AGTPBP1: variants seen among roughly 807,000 people sequenced by gnomAD.
The protein encoded by AGTPBP1 is cytosolic carboxypeptidase 1.
Under a neutral mutation model 143.9 loss-of-function variants are expected in AGTPBP1, and 70 were observed. The ratio of observed to expected loss-of-function variants is 0.49; its 90% CI spans 0.40 to 0.59. AGTPBP1 has a LOEUF of 0.59. AGTPBP1 is among the 20% of genes least tolerant of loss of function. The pLI, the probability that AGTPBP1 is intolerant of heterozygous loss-of-function variation, is 0.00. For synonymous variants in AGTPBP1, 463 were observed against 500.2 expected (o/e 0.93, Z 0.99); for missense variants, 1,229 against 1,464.5 (o/e 0.84, Z 2.62).
chr9:85,600,830 T>G (rs1829620561), intron 17 of AGTPBP1, among the ~76,000 whole-genome samples: 1 of 152,032 alleles, frequency 6.6e-6, no homozygotes, highest in Non-Finnish European at 1.5e-5. Context: ...CCCAACAGCC[T>G]CTGCCTCCCC....
chr9:85,704,592 A>C (rs949126523), intron 2 of AGTPBP1, among the ~76,000 whole-genome samples: 16 of 152,206 alleles, frequency 1.1e-4, no homozygotes, highest in African/African-American at 3.9e-4. Context: ...CATTAAAAGA[A>C]AGACTCAAAA....
At chr9:85,693,962 C>T (rs533129665) in intron 2 of AGTPBP1, among the ~76,000 whole-genome samples, 6 of 152,160 alleles carry the variant, frequency 3.9e-5, no homozygotes, top group South Asian at 2.1e-4. Context: ...TAGATCCCTG[C>T]GCAGGAGCAA....
intron 2 of AGTPBP1, among the ~76,000 whole-genome samples, chr9:85,705,348 A>G (rs1035183161): frequency 1.4e-5 from 2 of 147,648 alleles, no homozygotes; most frequent in African/African-American, 4.9e-5. Context: ...GAACTAAGAT[A>G]AGTATGACAA....
the AGTPBP1 span, among the ~76,000 whole-genome samples, chr9:85,784,020 T>A: frequency 6.6e-6 from 1 of 152,270 alleles, no homozygotes; most frequent in Non-Finnish European, 1.5e-5. Context: ...ATCTTTTGAC[T>A]AAAATATCTT....
At chr9:85,685,033 G>A (rs1219654378) in intron 3 of AGTPBP1, among the ~76,000 whole-genome samples, 4 of 150,704 alleles carry the variant, frequency 2.7e-5, no homozygotes, top group Non-Finnish European at 4.4e-5. Context: ...AGGATGCATA[G>A]GAAAGAGGCA....
At chr9:85,617,061 A>G (rs1324347272) in intron 17 of AGTPBP1, among the ~76,000 whole-genome samples, 1 of 152,134 alleles carries the variant, frequency 6.6e-6, no homozygotes, top group African/African-American at 2.4e-5. Context: ...GAATCTGACT[A>G]AAGCTTTTTT....
chr9:85,741,672 G>A (rs933746332), intron 1 of AGTPBP1, 103 bp downstream of exon 1: 1 of 1,255,186 alleles, frequency 8.0e-7, no homozygotes, highest in Non-Finnish European at 1.0e-6. Context: ...GGGATCCGGG[G>A]TCGCCCCTCC....
chr9:85,648,202 T>A (rs1157752827), intron 11 of AGTPBP1, among the ~76,000 whole-genome samples: 1 of 152,212 alleles, frequency 6.6e-6, no homozygotes, highest in Admixed American at 6.5e-5. Context: ...AGTGTTTCTG[T>A]GGGCATTAGA....
At chr9:85,571,632 T>G (rs936537417) in intron 25 of AGTPBP1, among the ~76,000 whole-genome samples, 2 of 152,196 alleles carry the variant, frequency 1.3e-5, no homozygotes, top group Non-Finnish European at 2.9e-5. Flanking sequence ...GTTTGGCAGA[T>G]ACCATCTTAA....
chr9:85,622,006 C>T (rs1830967845), intron 14 of AGTPBP1, among the ~76,000 whole-genome samples: 3 of 152,168 alleles, frequency 2.0e-5, no homozygotes, highest in African/African-American at 4.8e-5. Flanking sequence ...TGTGTCAACA[C>T]AGGTGACACT....
chr9:85,626,366 G>T (rs1376256028), intron 14 of AGTPBP1, among the ~76,000 whole-genome samples: 1 of 152,174 alleles, frequency 6.6e-6, no homozygotes, highest in African/African-American at 2.4e-5. Flanking sequence ...CTGAAATCAT[G>T]TAAAGGAGTC....
At position 85,691,731 on chromosome 9, in the gene AGTPBP1, C is replaced by T. The variant is rs184225402; in HGVS notation, c.157+958G>A. On this transcript the variant is annotated intron_variant, in intron 3 of 25. Transcript: ENST00000357081. ...TTTAACAATGATATTCATATTTCCA[C>T]GTACAGACTTAATTCCCTAAAGTTT... is the stretch of plus-strand genomic sequence containing the variant. Among the ~76,000 whole-genome samples the T allele has an allele frequency of 4.2e-3, 634 of 152,216 alleles. 4 individuals are homozygous for T. Among genetic ancestry groups the T allele is most frequent in the African/African-American group, 0.012 (488 of 41,532 alleles).
intron 2 of AGTPBP1, among the ~76,000 whole-genome samples, chr9:85,698,150 A>G (rs1836393716): frequency 6.6e-6 from 1 of 152,150 alleles, no homozygotes. Flanking sequence ...CAATTCACAA[A>G]CATACAAAAC....
chr9:85,650,650 G>A (rs1833109431), intron 11 of AGTPBP1, among the ~76,000 whole-genome samples: 1 of 152,182 alleles, frequency 6.6e-6, no homozygotes, highest in Non-Finnish European at 1.5e-5. Context: ...TCCCCAAGTT[G>A]TTTTAGGGTC....
chr9:85,793,055 A>G, the AGTPBP1 span, among the ~76,000 whole-genome samples: 1 of 152,192 alleles, frequency 6.6e-6, no homozygotes, highest in African/African-American at 2.4e-5. Context: ...GAATTCTAGC[A>G]AAAATATTTT....
rs1194990588 is a variant in AGTPBP1 at position 85,689,921 on chromosome 9, A to T, written c.157+2768T>A. 6.0e-4 allele frequency among the ~76,000 whole-genome samples: 73 copies of T among 122,156 alleles called. 1 individual carries two copies. The highest frequency in any genetic ancestry group is 1.7e-3 in the African/African-American group (47 of 28,168). The allele number at this position is 122,156 out of a possible 152,430, so 80.1% of individuals were successfully genotyped here. A position where few individuals can be genotyped will look rare whatever the true frequency, so the allele number is the denominator to read the frequency against. ...CTCAAAAAAAAAAAAAAAAAAAAAA[A>T]AAAAATATATATATATATATATATA... On this transcript the variant is annotated intron_variant, in intron 3 of 25. Transcript: ENST00000357081.
upstream of AGTPBP1, chr9:85,742,146 A>C: frequency 3.6e-5 from 22 of 607,160 alleles, no homozygotes; most frequent in Admixed American, 5.5e-5. Context: ...TGCGCGCCTG[A>C]CGGGAGGGAG....
chr9:85,684,740 C>G (rs1345724416), intron 3 of AGTPBP1, among the ~76,000 whole-genome samples: 1 of 152,140 alleles, frequency 6.6e-6, no homozygotes, highest in Non-Finnish European at 1.5e-5. Flanking sequence ...CTGTTGACTA[C>G]TGCATCTTCC....
the AGTPBP1 span, among the ~76,000 whole-genome samples, chr9:85,790,132 A>G: frequency 2.0e-5 from 3 of 152,184 alleles, 1 homozygote; most frequent in Middle Eastern, 6.3e-3. Context: ...CACTGATAAT[A>G]TATTCTTCTA....
Sources: allele counts gnomAD v4.1 joint callset (sites outside exome capture counted in the v4.1 genomes callset), GRCh38; gene constraint gnomAD v4.1.1; transcripts MANE v1.5; gene names NCBI Gene and HGNC (gene_info 2026-07-23, HGNC 2026-07-21).